WDR25: variants seen among roughly 807,000 people sequenced by gnomAD.
WDR25 encodes WD repeat-containing protein 25.
A neutral mutation model predicts 47.7 loss-of-function variants in WDR25; 35 were observed. The observed-to-expected ratio is 0.73, with a 90% CI of 0.56 to 0.97. WDR25 has a LOEUF of 0.97. WDR25 is among the 50% of genes least tolerant of loss of function. The pLI, the probability that WDR25 is intolerant of heterozygous loss-of-function variation, is 0.00. For synonymous variants in WDR25, 248 were observed against 278.9 expected (o/e 0.89, Z 1.10); for missense variants, 634 against 704.7 (o/e 0.90, Z 1.14).
chr14:100,395,923 CTT>C (rs1897248317), intron 2 of WDR25, among the ~76,000 whole-genome samples: 1 of 149,410 alleles, frequency 6.7e-6, no homozygotes, highest in Admixed American at 6.7e-5. Flanking sequence ...GCTTTGGAAA[CTT>C]TGCTGGGAGC....
At chr14:100,515,587 T>C (rs901170701) in intron 4 of WDR25, among the ~76,000 whole-genome samples, 1 of 152,170 alleles carries the variant, frequency 6.6e-6, no homozygotes, top group South Asian at 2.1e-4. Flanking sequence ...TTCTTGAGCA[T>C]ACAGTATATA....
At chr14:100,518,302 TTTTCTGGTCTCCATAG>T (rs1265470324) in intron 4 of WDR25, among the ~76,000 whole-genome samples, 4 of 152,192 alleles carry the variant, frequency 2.6e-5, no homozygotes, top group African/African-American at 9.6e-5. Flanking sequence ...TGTTCCGCTG[TTTTCTGGTCTCCATAG>T]TTTCTGATGA....
chr14:100,486,810 C>T (rs975861769), intron 4 of WDR25, among the ~76,000 whole-genome samples: 5 of 152,152 alleles, frequency 3.3e-5, no homozygotes, highest in Non-Finnish European at 7.4e-5. Context: ...GGGACACAGA[C>T]CTTAGCTTAA....
At chr14:100,450,197 C>T (rs1041787453) in intron 2 of WDR25, among the ~76,000 whole-genome samples, 1 of 152,156 alleles carries the variant, frequency 6.6e-6, no homozygotes, top group African/African-American at 2.4e-5. Flanking sequence ...CCTGGGTGAC[C>T]TGCGTTTTGC....
chr14:100,529,894 G>C lies in WDR25; in HGVS notation c.1488G>C (p.Arg496=). ...TGGTGACGGGCAGCGCCGATGGCCGGGTCCTGATGTACAGCTTCCGCACAG... is the reference window on the plus strand; with the variant it reads ...TGGTGACGGGCAGCGCCGATGGCCGCGTCCTGATGTACAGCTTCCGCACAG... ...DLLVTGSADG[R]VLMYSFRTAS... is the part of the protein sequence containing the mutation. Residue 496 remains arginine (R), a synonymous_variant, in exon 7 of 7, where the codon CGG becomes CGC. Coordinates refer to ENST00000402312, the MANE Select transcript of WDR25 (RefSeq NM_001161476.3). The surrounding 1 kb of genome is among the most constrained non-coding windows in gnomAD (Gnocchi z 5.1). 2 of 1,613,374 alleles carry C rather than the reference G, an allele frequency of 1.2e-6. No homozygotes were observed. The highest frequency in any genetic ancestry group is 1.7e-6 in the Non-Finnish European group (2 of 1,180,032).
In WDR25 at chr14:100,498,152, C is replaced by T. The variant is rs532790426; in HGVS notation, c.1101+14028C>T. On this transcript the variant is annotated intron_variant, in intron 4 of 6. Transcript: ENST00000402312. The surrounding 1 kb of genome is among the most constrained non-coding windows in gnomAD (Gnocchi z 4.2). ...TGATGGCTGTGTGATTTTAAGCACA[C>T]GGATGTTCCATGTACCCTGTCAGTG... 9.2e-5 allele frequency among the ~76,000 whole-genome samples: 14 copies of T among 152,344 alleles called. No individual in the cohort carries two copies. Among genetic ancestry groups the T allele is most frequent in the Non-Finnish European group, 1.8e-4 (12 of 68,040 alleles).
intron 2 of WDR25, among the ~76,000 whole-genome samples, chr14:100,427,951 C>T (rs546480108): frequency 1.3e-5 from 2 of 152,358 alleles, no homozygotes; most frequent in South Asian, 2.1e-4. Flanking sequence ...CTGGCCAGGA[C>T]AGCCAGTGGA....
At chr14:100,431,237 T>A (rs1898323534) in intron 2 of WDR25, among the ~76,000 whole-genome samples, 1 of 152,244 alleles carries the variant, frequency 6.6e-6, no homozygotes, top group African/African-American at 2.4e-5. Context: ...GACTAGTGGT[T>A]TTAGAACATT....
At chr14:100,515,244 A>G (rs1053077819) in intron 4 of WDR25, among the ~76,000 whole-genome samples, 1 of 152,130 alleles carries the variant, frequency 6.6e-6, no homozygotes, top group Non-Finnish European at 1.5e-5. Context: ...TATAGTTTTA[A>G]TCAATGTATT....
chr14:100,446,610 A>G (rs1483855895), intron 2 of WDR25, among the ~76,000 whole-genome samples: 3 of 152,160 alleles, frequency 2.0e-5, no homozygotes, highest in Non-Finnish European at 4.4e-5. Context: ...TAAGTAACAC[A>G]ATACCAATCA....
chr14:100,437,152 A>G (rs556479339), intron 2 of WDR25, among the ~76,000 whole-genome samples: 1 of 152,266 alleles, frequency 6.6e-6, no homozygotes, highest in South Asian at 2.1e-4. Context: ...GGAGAGTGGC[A>G]GGAAAGGAGG....
chr14:100,510,429 G>A (rs1009970356), intron 4 of WDR25, among the ~76,000 whole-genome samples: 8 of 150,832 alleles, frequency 5.3e-5, no homozygotes, highest in Non-Finnish European at 4.4e-5. Context: ...CACCACACTC[G>A]GCTAATTTAA....
In WDR25 at chr14:100,499,933, T is replaced by G. The variant is rs1352128373; in HGVS notation, c.1101+15809T>G. Among the ~76,000 whole-genome samples, 1 of 152,162 alleles carries G rather than the reference T, an allele frequency of 6.6e-6. No individual in the cohort carries two copies. The highest frequency in any genetic ancestry group is 1.5e-5 in the Non-Finnish European group (1 of 68,022). On this transcript the variant is annotated intron_variant, in intron 4 of 6. Coordinates refer to ENST00000402312, the MANE Select transcript of WDR25 (RefSeq NM_001161476.3). The surrounding 1 kb of genome is among the most constrained non-coding windows in gnomAD (Gnocchi z 4.4). Reference sequence around the variant, plus strand: ...TTGGAGTCAGGTGGGATACAAGGACTGGAAATTGACACCAGATAGCTCTGT... The same window carrying G: ...TTGGAGTCAGGTGGGATACAAGGACGGGAAATTGACACCAGATAGCTCTGT...
In WDR25 at chr14:100,418,942, G is replaced by A. The variant is rs1040109433; in HGVS notation, c.822+37196G>A. On this transcript the variant is annotated intron_variant, in intron 2 of 6. Transcript: ENST00000402312. ...TCTAAGTAAGTTCTATTTCTAGGCC[G>A]GGCGTGGTGGCTCACGCCTGTAATC... Among the ~76,000 whole-genome samples, 6 of 152,200 alleles carry A rather than the reference G, an allele frequency of 3.9e-5. No individual in the cohort carries two copies. The South Asian group carries it at 6.2e-4, about 16-fold the overall frequency.
chr14:100,472,764 C>G (rs1335111824), intron 3 of WDR25, among the ~76,000 whole-genome samples: 2 of 152,246 alleles, frequency 1.3e-5, no homozygotes, highest in East Asian at 3.9e-4. Flanking sequence ...CCCCTTCCTC[C>G]TGGTAATGGG....
At chr14:100,521,330 T>C (rs2029875400) in intron 4 of WDR25, among the ~76,000 whole-genome samples, 1 of 152,210 alleles carries the variant, frequency 6.6e-6, no homozygotes, top group Non-Finnish European at 1.5e-5. Flanking sequence ...GAGTCAAATC[T>C]GCAAAACAAG....
At chr14:100,427,373 G>A (rs1029841397) in intron 2 of WDR25, among the ~76,000 whole-genome samples, 11 of 152,078 alleles carry the variant, frequency 7.2e-5, no homozygotes, top group South Asian at 2.1e-4. Context: ...AATGTATCCC[G>A]TTCACCATGG....
chr14:100,487,034 T>A (rs916743876), intron 4 of WDR25, among the ~76,000 whole-genome samples: 1 of 152,156 alleles, frequency 6.6e-6, no homozygotes, highest in Non-Finnish European at 1.5e-5. Context: ...CACTATTTGG[T>A]TTTATTTGTA....
chr14:100,521,307 A>G (rs1019404832), intron 4 of WDR25, among the ~76,000 whole-genome samples: 1 of 152,242 alleles, frequency 6.6e-6, no homozygotes. Context: ...AAAACTTTGT[A>G]ACCCTTGTTC....
Sources: gnomAD v4.1 joint callset for allele counts (sites outside exome capture counted in the v4.1 genomes callset) on GRCh38, gnomAD v4.1.1 for gene constraint, Gnocchi (gnomAD v3.1) non-coding constraint, MANE v1.5 for transcripts, NCBI Gene and HGNC (gene_info 2026-07-23, HGNC 2026-07-21) for gene names.